Variants in SERINC5 observed in about 807,000 individuals in gnomAD.
The protein encoded by SERINC5 is serine incorporator 5, also known as chromosome 5 open reading frame 12.
Under a neutral mutation model 63.1 loss-of-function variants are expected in SERINC5, and 41 were observed. That is an observed-to-expected ratio of 0.65 (90% confidence interval 0.51 to 0.84). The LOEUF is 0.84. Among genes scored for constraint, SERINC5 ranks in the 40% least tolerant of loss-of-function variants. The probability of loss-of-function intolerance (pLI) is 0.00; values close to 1 mark genes in which losing one functional copy is unlikely to be tolerated. For synonymous variants in SERINC5, 222 were observed against 215.2 expected (o/e 1.03, Z -0.28); for missense variants, 523 against 573.0 (o/e 0.91, Z 0.89).
intron 1 of SERINC5, among the ~76,000 whole-genome samples, chr5:80,249,137 A>AC (rs1329172422): frequency 6.6e-6 from 1 of 151,974 alleles, no homozygotes; most frequent in Non-Finnish European, 1.5e-5. Flanking sequence ...ACATGGTGAA[A>AC]CCCCGTCTCT....
intron 1 of SERINC5, among the ~76,000 whole-genome samples, chr5:80,223,824 C>T (rs78683229): frequency 2.4e-4 from 36 of 152,080 alleles, no homozygotes; most frequent in African/African-American, 7.5e-4. Flanking sequence ...TACTCATCAA[C>T]GAGAAAGTTA....
chr5:80,181,839 C>T (rs911266003), intron 2 of SERINC5, among the ~76,000 whole-genome samples: 3 of 152,156 alleles, frequency 2.0e-5, no homozygotes, highest in Admixed American at 6.5e-5. Flanking sequence ...GCATCTGCCC[C>T]GAAGGCTCTG....
At chr5:80,209,491 A>G (rs1750332296) in intron 1 of SERINC5, among the ~76,000 whole-genome samples, 1 of 152,156 alleles carries the variant, frequency 6.6e-6, no homozygotes, top group Non-Finnish European at 1.5e-5. Context: ...CTGTTGGGTA[A>G]GCCACCCAGT....
chr5:80,205,345 A>T (rs1333702703), intron 1 of SERINC5, among the ~76,000 whole-genome samples: 2 of 152,232 alleles, frequency 1.3e-5, no homozygotes, highest in African/African-American at 4.8e-5. Flanking sequence ...CACCTCGGAC[A>T]ACATGACCAT....
At chr5:80,194,907 C>A (rs1043525585) in intron 2 of SERINC5, among the ~76,000 whole-genome samples, 2 of 152,116 alleles carry the variant, frequency 1.3e-5, no homozygotes, top group African/African-American at 4.8e-5. Context: ...TCTGACAAGC[C>A]ACTTCACTTC....
rs181573334 is a variant in SERINC5, at chr5:80,208,580, C to G, written c.28-5527G>C. 1.8e-3 allele frequency among the ~76,000 whole-genome samples: 269 copies of G among 152,208 alleles called. 1 individual carries two copies. The highest frequency in any genetic ancestry group is 6.2e-3 in the African/African-American group (256 of 41,532). On this transcript the variant is annotated intron_variant, in intron 1 of 11. Transcript: ENST00000507668. ...ATTGCATGCTATACTCAATTTCCCACGCAAGCACTGAATCACAGAGAATAC... is the reference window on the plus strand; with the variant it reads ...ATTGCATGCTATACTCAATTTCCCAGGCAAGCACTGAATCACAGAGAATAC...
intron 9 of SERINC5, among the ~76,000 whole-genome samples, chr5:80,148,442 G>T (rs1054377912): frequency 6.6e-6 from 1 of 151,712 alleles, no homozygotes; most frequent in Non-Finnish European, 1.5e-5. Flanking sequence ...CACCCACCTC[G>T]GCCTCCCAAA....
At chr5:80,213,002 C>T (rs1204521978) in intron 1 of SERINC5, among the ~76,000 whole-genome samples, 3 of 151,996 alleles carry the variant, frequency 2.0e-5, no homozygotes, top group African/African-American at 4.8e-5. Flanking sequence ...CCCAGCACTT[C>T]GGGAGGCTGA....
chr5:80,189,571 G>T (rs530864211), intron 2 of SERINC5, among the ~76,000 whole-genome samples: 9 of 152,330 alleles, frequency 5.9e-5, no homozygotes, highest in Middle Eastern at 3.4e-3. Context: ...CTGATGGAAA[G>T]ATATCTCTTG....
intron 11 of SERINC5, among the ~76,000 whole-genome samples, chr5:80,116,995 A>AT (rs1299050202): frequency 6.6e-6 from 1 of 151,766 alleles, no homozygotes; most frequent in Non-Finnish European, 1.5e-5. Context: ...GGCCCATCTA[A>AT]TTTTTTGTGT....
chr5:80,146,907 T>C (rs1580060939), intron 10 of SERINC5, among the ~76,000 whole-genome samples: 1 of 152,346 alleles, frequency 6.6e-6, no homozygotes, highest in East Asian at 1.9e-4. Flanking sequence ...GGTGAAGGAA[T>C]GAAATGGCCC....
Position 80,153,255 on chromosome 5 carries a change from C to T in SERINC5, c.987-2307G>A, listed in dbSNP as rs982724942. Among the ~76,000 whole-genome samples, 6 of 151,928 alleles carry T rather than the reference C, an allele frequency of 3.9e-5. No individual in the cohort carries two copies. The East Asian group carries it at 9.7e-4, about 25-fold the overall frequency. On this transcript the variant is annotated intron_variant, in intron 8 of 11. Coordinates refer to ENST00000507668, the MANE Select transcript of SERINC5 (RefSeq NM_001174072.3). The stretch of plus-strand genomic sequence containing the variant: ...GGCAGATCACCTGAGGTCAGGAATT[C>T]GAGACCAGCCTAGCCAACATGGTGA...
chr5:80,202,474 G>A (rs1749906268), intron 2 of SERINC5, among the ~76,000 whole-genome samples: 1 of 152,078 alleles, frequency 6.6e-6, no homozygotes, highest in Admixed American at 6.6e-5. Flanking sequence ...TGGGAAGGGG[G>A]TGGATGATGA....
At chr5:80,112,201 C>T (rs1338394094) in intron 12 of SERINC5, among the ~76,000 whole-genome samples, 3 of 152,124 alleles carry the variant, frequency 2.0e-5, no homozygotes, top group Non-Finnish European at 1.5e-5. Context: ...CGGAATGTCT[C>T]GGTATAAAAC....
At chr5:80,129,908 C>T (rs1331767089) in intron 11 of SERINC5, among the ~76,000 whole-genome samples, 1 of 152,146 alleles carries the variant, frequency 6.6e-6, no homozygotes, top group African/African-American at 2.4e-5. Flanking sequence ...GCAATTTAAG[C>T]CACACTCCCA....
intron 2 of SERINC5, among the ~76,000 whole-genome samples, chr5:80,191,157 T>C (rs1368681204): frequency 3.0e-5 from 4 of 135,436 alleles, no homozygotes; most frequent in African/African-American, 7.8e-5. Context: ...GTCTGCCTAA[T>C]AAGGAAATCC....
At chr5:80,180,728 A>G (rs1580123698) in intron 2 of SERINC5, among the ~76,000 whole-genome samples, 1 of 152,356 alleles carries the variant, frequency 6.6e-6, no homozygotes. Flanking sequence ...TATAAAAGAG[A>G]TATGATAAAC....
intron 11 of SERINC5, among the ~76,000 whole-genome samples, chr5:80,123,057 G>A (rs1031081205): frequency 2.6e-5 from 4 of 152,160 alleles, no homozygotes; most frequent in Non-Finnish European, 4.4e-5. Flanking sequence ...ATTTGTCACA[G>A]CAGCAATAAA....
At chr5:80,174,773 T>C (rs887572721) in intron 5 of SERINC5, among the ~76,000 whole-genome samples, 181 bp downstream of exon 5, 2 of 151,014 alleles carry the variant, frequency 1.3e-5, no homozygotes, top group Non-Finnish European at 2.9e-5. Context: ...AGCAAGGGAG[T>C]AGGGGCAGGG....
Sources: allele counts gnomAD v4.1 joint callset (sites outside exome capture counted in the v4.1 genomes callset), GRCh38; gene constraint gnomAD v4.1.1; transcripts MANE v1.5; gene names NCBI Gene and HGNC (gene_info 2026-07-23, HGNC 2026-07-21).